The following SRRM3 variants were observed in gnomAD, a reference collection of about 807,000 sequenced individuals.
The protein encoded by SRRM3 is serine/arginine repetitive matrix 3, also known as serine/arginine repetitive matrix protein 3.
Under a neutral mutation model 66.2 loss-of-function variants are expected in SRRM3, and 27 were observed. The ratio of observed to expected loss-of-function variants is 0.41; its 90% confidence interval spans 0.30 to 0.56. The LOEUF (loss-of-function observed/expected upper bound fraction) is 0.56. Ranked by LOEUF, SRRM3 falls within the 20% of genes least tolerant of loss-of-function variation. SRRM3 has a pLI of 0.32. For missense variants in SRRM3, 918 were observed against 991.9 expected (o/e 0.93, Z 1.00); for synonymous variants, 391 against 414.9 (o/e 0.94, Z 0.70).
At chr7:76,283,777 T>C in intron 14 of SRRM3, 1 of 985,396 alleles carries the variant, frequency 1.0e-6, no homozygotes, top group Non-Finnish European at 1.2e-6. Context: ...GCGTGGCTGG[T>C]GAAGCCATTA....
chr7:76,215,546 C>A (rs114650469), intron 1 of SRRM3, among the ~76,000 whole-genome samples: 2,189 of 150,066 alleles, frequency 0.015, 57 homozygotes, highest in African/African-American at 0.05. Flanking sequence ...GGACTACAGG[C>A]GTGCACTACT....
At chr7:76,231,247 G>C (rs1393443089) in intron 1 of SRRM3, among the ~76,000 whole-genome samples, 1 of 152,142 alleles carries the variant, frequency 6.6e-6, no homozygotes, top group African/African-American at 2.4e-5. Context: ...CTCACCAGGT[G>C]AAATTGGTCA....
intron 10 of SRRM3, 64 bp from the exon 11 acceptor site, chr7:76,267,194 G>A: frequency 2.2e-6 from 3 of 1,387,760 alleles, no homozygotes; most frequent in East Asian, 3.0e-5. Flanking sequence ...AAGAGGAGGC[G>A]CAACTGCTTG....
Position 76,285,515 on chromosome 7 carries a change from G to C in SRRM3, c.1734-100G>C. The stretch of plus-strand genomic sequence containing the variant: ...ATTTGGAGAAGGCAGGTGTCTCTAA[G>C]GCCAGGGCTCAGGGGAAACTGAGGC... On this transcript the variant is annotated intron_variant, in intron 14 of 14. Coordinates refer to ENST00000611745, the MANE Select transcript of SRRM3 (RefSeq NM_001110199.3). This position sits in a 1 kb window ranked among gnomAD's most constrained non-coding sequence, Gnocchi z 4.1. 1.1e-6 allele frequency: 1 copy of C among 935,934 alleles called. No homozygotes were observed. Among genetic ancestry groups the C allele is most frequent in the Non-Finnish European group, 1.6e-6 (1 of 621,568 alleles). 58.0% of individuals were successfully genotyped at this position (935,934 alleles called of 1,614,324 possible).
rs1372041406 is a variant in SRRM3, at chr7:76,244,566, G to A, written c.234-3622G>A. On this transcript the variant is annotated intron_variant, in intron 2 of 14. Transcript: ENST00000611745. The stretch of plus-strand genomic sequence containing the variant: ...AAAGTTGAAGAAGAAGAAGAAGTAG[G>A]TGATGCTTCTTACCCAACCAGACCT... Among the ~76,000 whole-genome samples the A allele has an allele frequency of 6.0e-5, 9 of 150,156 alleles. No homozygotes were observed. In the East Asian group the frequency reaches 1.8e-3, roughly 30 times the overall value.
chr7:76,253,349 C>G (rs1360897526), intron 3 of SRRM3, among the ~76,000 whole-genome samples: 1 of 151,782 alleles, frequency 6.6e-6, no homozygotes, highest in Non-Finnish European at 1.5e-5. Context: ...AGGCTGGGCA[C>G]GGTGGCTCAA....
chr7:76,269,243 G>A (rs1343272801), intron 11 of SRRM3: 1 of 152,260 alleles, frequency 6.6e-6, no homozygotes, highest in African/African-American at 2.4e-5. Flanking sequence ...AGCCCTGGGA[G>A]TTTTCTTGGA....
chr7:76,243,482 T>A (rs1801361303), intron 2 of SRRM3, among the ~76,000 whole-genome samples: 1 of 152,082 alleles, frequency 6.6e-6, no homozygotes, highest in Admixed American at 6.6e-5. Flanking sequence ...CAGCAGCCCA[T>A]CCTCAACAGA....
At chr7:76,281,230 TTC>T (rs1331948306) in intron 11 of SRRM3, among the ~76,000 whole-genome samples, 5 of 150,820 alleles carry the variant, frequency 3.3e-5, no homozygotes, top group Admixed American at 1.3e-4. Flanking sequence ...CCGTCTCTTT[TTC>T]TCTGTCTCTC....
In SRRM3 at chr7:76,251,191, C is replaced by A. The variant is rs148257343; in HGVS notation, c.335+2902C>A. On this transcript the variant is annotated intron_variant, in intron 3 of 14. Coordinates refer to ENST00000611745, the MANE Select transcript of SRRM3 (RefSeq NM_001110199.3). ...TGGGGCTGTGTTCCACTTCCACATGCTCTTTGTCCTTTTGTAGCAGACTCT... is the reference window on the plus strand; with the variant it reads ...TGGGGCTGTGTTCCACTTCCACATGATCTTTGTCCTTTTGTAGCAGACTCT... 3.3e-3 allele frequency among the ~76,000 whole-genome samples: 500 copies of A among 152,352 alleles called. 2 individuals are homozygous for A. Among genetic ancestry groups the A allele is most frequent in the Non-Finnish European group, 5.0e-3 (340 of 68,024 alleles).
Position 76,260,157 on chromosome 7 carries a change from A to G in SRRM3, c.505A>G (p.Lys169Glu), listed in dbSNP as rs1801819022. ...TAGCAGCTCGGCATCGCCCCCTCCCAAGAAAAAGAAGAAAAAGAAAGGCGG... is the reference window on the plus strand; with the variant it reads ...TAGCAGCTCGGCATCGCCCCCTCCCGAGAAAAAGAAGAAAAAGAAAGGCGG... ...WSSSSASPPP[K>E]KKKKKKGGHR... Residue 169 changes from lysine to glutamate, a missense_variant, in exon 5 of 15, where the codon AAG (lysine) becomes GAG (glutamate). Coordinates refer to ENST00000611745, the MANE Select transcript of SRRM3 (RefSeq NM_001110199.3). 2.7e-6 allele frequency: 4 copies of G among 1,498,088 alleles called. No homozygotes were observed. The highest frequency in any genetic ancestry group is 3.5e-6 in the Non-Finnish European group (4 of 1,128,074). The allele number at this position is 1,498,088 out of a possible 1,614,324, so 92.8% of individuals were successfully genotyped here.
chr7:76,261,445 C>T, intron 7 of SRRM3, 31 bp downstream of exon 7: 3 of 1,600,750 alleles, frequency 1.9e-6, no homozygotes, highest in Non-Finnish European at 2.6e-6. Flanking sequence ...CTGGGGCCTC[C>T]TCTTCCTCCC....
chr7:76,258,070 G>A (rs937521140), intron 3 of SRRM3, among the ~76,000 whole-genome samples: 17 of 152,188 alleles, frequency 1.1e-4, no homozygotes, highest in African/African-American at 4.1e-4. Context: ...TGCGGGAGCA[G>A]GGACAGGAGG....
chr7:76,210,876 C>T (rs1358589789), intron 1 of SRRM3, among the ~76,000 whole-genome samples: 3 of 152,040 alleles, frequency 2.0e-5, no homozygotes, highest in African/African-American at 7.2e-5. Flanking sequence ...AATCTCCGCT[C>T]ACTGCAACCT....
intron 11 of SRRM3, among the ~76,000 whole-genome samples, chr7:76,280,438 G>C (rs1001128813): frequency 6.8e-6 from 1 of 147,918 alleles, no homozygotes; most frequent in Admixed American, 6.7e-5. Flanking sequence ...AGCGCTGGGG[G>C]TCCGGCCTGG....
chr7:76,255,144 C>CTTTTTTTTTT (rs1309988503), intron 3 of SRRM3, among the ~76,000 whole-genome samples: 9 of 70,306 alleles, frequency 1.3e-4, no homozygotes, highest in East Asian at 5.5e-4. Flanking sequence ...TTCTTTCTTT[C>CTTTTTTTTTT]TTTCTTTTTT....
intron 1 of SRRM3, among the ~76,000 whole-genome samples, chr7:76,220,189 G>C (rs1223037567): frequency 6.6e-6 from 1 of 152,198 alleles, no homozygotes; most frequent in Admixed American, 6.5e-5. Flanking sequence ...GATGTGGATT[G>C]GCCCAGTCTC....
At chr7:76,247,446 G>A (rs1801470559) in intron 2 of SRRM3, among the ~76,000 whole-genome samples, 1 of 152,014 alleles carries the variant, frequency 6.6e-6, no homozygotes, top group African/African-American at 2.4e-5. Flanking sequence ...TGGAGGCCAG[G>A]AAGGCAGAAA....
In SRRM3 at chr7:76,242,529, G is replaced by T. The variant is rs181399161; in HGVS notation, c.234-5659G>T. Reference sequence around the variant, plus strand: ...TTTTCCATGGACTAGGCGGGGTGGTGGGGGGATGGTTTCAGGATGATTCAA... The same window carrying T: ...TTTTCCATGGACTAGGCGGGGTGGTTGGGGGATGGTTTCAGGATGATTCAA... On this transcript the variant is annotated intron_variant, in intron 2 of 14. Transcript: ENST00000611745. Among the ~76,000 whole-genome samples the T allele has an allele frequency of 7.5e-3, 1,145 of 152,030 alleles. 7 individuals carry two copies. Among genetic ancestry groups the T allele is most frequent in the South Asian group, 0.021 (100 of 4,824 alleles).
Sources: gnomAD v4.1 joint callset for allele counts (sites outside exome capture counted in the v4.1 genomes callset) on GRCh38, gnomAD v4.1.1 for gene constraint, Gnocchi (gnomAD v3.1) non-coding constraint, MANE v1.5 for transcripts, NCBI Gene and HGNC (gene_info 2026-07-23, HGNC 2026-07-21) for gene names.